The following TMTC2 variants were observed in gnomAD, a reference collection of about 807,000 sequenced individuals.
The protein encoded by TMTC2 is protein O-mannosyl-transferase TMTC2.
In TMTC2, 43 loss-of-function variants were observed where a neutral mutation model predicts 82.4. That is an observed-to-expected ratio of 0.52 (90% CI 0.41 to 0.67). TMTC2 has a LOEUF of 0.67. Among genes scored for constraint, TMTC2 ranks in the 30% least tolerant of loss-of-function variants. The pLI, the probability that TMTC2 is intolerant of heterozygous loss-of-function variation, is 0.00. For synonymous variants in TMTC2, 408 were observed against 381.9 expected (o/e 1.07, Z -0.80); for missense variants, 919 against 1,012.4 (o/e 0.91, Z 1.25).
chr12:82,722,566 CAAAAAA>C (rs772607761), intron 1 of TMTC2, among the ~76,000 whole-genome samples: 7 of 44,394 alleles, frequency 1.6e-4, no homozygotes, highest in Non-Finnish European at 2.2e-4. Flanking sequence ...GACTCCATCT[CAAAAAA>C]AAAAAAAAAA....
chr12:82,974,091 G>C (rs1324137930), intron 7 of TMTC2, among the ~76,000 whole-genome samples: 2 of 152,078 alleles, frequency 1.3e-5, no homozygotes, highest in East Asian at 3.9e-4. Context: ...TTTTAAGGCT[G>C]GGCACAGTGG....
intron 11 of TMTC2, among the ~76,000 whole-genome samples, chr12:83,114,047 G>T (rs1445195773): frequency 1.3e-5 from 2 of 151,996 alleles, no homozygotes; most frequent in Non-Finnish European, 2.9e-5. Context: ...CATTAATCCT[G>T]CTTGTTCATG....
intron 9 of TMTC2, among the ~76,000 whole-genome samples, chr12:83,045,727 G>GGGCTCACACACA (rs1437284307): frequency 5.6e-5 from 8 of 142,446 alleles, no homozygotes; most frequent in African/African-American, 1.3e-4. Flanking sequence ...ACACACACAC[G>GGGCTCACACACA]CACACACACA....
chr12:82,986,148 T>C, intron 8 of TMTC2, 102 bp downstream of exon 8: 6 of 1,503,820 alleles, frequency 4.0e-6, no homozygotes, highest in Non-Finnish European at 5.5e-6. Context: ...TCTAAGCTAT[T>C]AGGGATGCAA....
intron 3 of TMTC2, among the ~76,000 whole-genome samples, chr12:82,911,587 C>T (rs994351896): frequency 6.6e-6 from 1 of 151,776 alleles, no homozygotes; most frequent in Non-Finnish European, 1.5e-5. Context: ...AAGTATAAGC[C>T]GTATTCTTAT....
chr12:82,873,370 TA>T (rs201818590), intron 2 of TMTC2, among the ~76,000 whole-genome samples: 17,097 of 151,876 alleles, frequency 0.11, 1,566 homozygotes, highest in African/African-American at 0.25. Context: ...TTAGTCTGCT[TA>T]GCTGTCTATT....
intron 1 of TMTC2, among the ~76,000 whole-genome samples, chr12:82,716,520 T>C (rs1047499262): frequency 3.3e-5 from 5 of 152,082 alleles, no homozygotes; most frequent in African/African-American, 9.6e-5. Context: ...CGCGCCACCA[T>C]GCCCGGCTAA....
At chr12:82,795,552 C>G (rs1185598371) in intron 1 of TMTC2, among the ~76,000 whole-genome samples, 1 of 151,926 alleles carries the variant, frequency 6.6e-6, no homozygotes, top group Non-Finnish European at 1.5e-5. Context: ...ATGATGTCAA[C>G]TAGTATGATG....
At chr12:82,883,928 T>C (rs1235246649) in intron 2 of TMTC2, among the ~76,000 whole-genome samples, 1 of 152,218 alleles carries the variant, frequency 6.6e-6, no homozygotes, top group Non-Finnish European at 1.5e-5. Flanking sequence ...GATATTTTCT[T>C]CACATATTTT....
chr12:82,719,134 C>T (rs1349231845), intron 1 of TMTC2, among the ~76,000 whole-genome samples: 2 of 115,238 alleles, frequency 1.7e-5, no homozygotes, highest in African/African-American at 6.8e-5. Context: ...CGTTCTGTCA[C>T]CCAGGCTAGA....
At chr12:83,049,588 C>T (rs898025145) in intron 9 of TMTC2, among the ~76,000 whole-genome samples, 19 of 152,100 alleles carry the variant, frequency 1.2e-4, no homozygotes, top group African/African-American at 4.3e-4. Context: ...GTTAATTCCA[C>T]GTCTTTGCTA....
chr12:82,692,142 A>G (rs1872605048), intron 1 of TMTC2, among the ~76,000 whole-genome samples: 1 of 152,192 alleles, frequency 6.6e-6, no homozygotes, highest in Admixed American at 6.5e-5. Flanking sequence ...ACCCACATAC[A>G]TGCATTGAAT....
intron 1 of TMTC2, among the ~76,000 whole-genome samples, chr12:82,699,833 C>T (rs535180733): frequency 1.4e-4 from 22 of 152,196 alleles, no homozygotes; most frequent in African/African-American, 5.3e-4. Flanking sequence ...GCCAGCCCTC[C>T]ACATACCTGG....
At chr12:82,824,215 A>C (rs563588051) in intron 1 of TMTC2, among the ~76,000 whole-genome samples, 1 of 152,082 alleles carries the variant, frequency 6.6e-6, no homozygotes, top group African/African-American at 2.4e-5. Context: ...TTAAATAACA[A>C]ATGTTTTGTA....
chr12:82,866,244 CAAAA>C (rs762068833), intron 2 of TMTC2, among the ~76,000 whole-genome samples: 1 of 52,334 alleles, frequency 1.9e-5, no homozygotes. Context: ...TTGAAAAGAT[CAAAA>C]AAAAAAAAAA....
intron 3 of TMTC2, among the ~76,000 whole-genome samples, chr12:82,925,112 T>C (rs1262315662): frequency 6.6e-6 from 1 of 152,204 alleles, no homozygotes; most frequent in Non-Finnish European, 1.5e-5. Context: ...ATCCTTTAGC[T>C]CGTAGAGATC....
At chr12:82,882,573 A>G (rs1872888025) in intron 2 of TMTC2, among the ~76,000 whole-genome samples, 2 of 152,056 alleles carry the variant, frequency 1.3e-5, no homozygotes, top group Non-Finnish European at 2.9e-5. Flanking sequence ...TAAACCCAGA[A>G]TGTTCAACTC....
chr12:82,778,557 T>G (rs562265570), intron 1 of TMTC2, among the ~76,000 whole-genome samples: 14 of 149,404 alleles, frequency 9.4e-5, no homozygotes, highest in South Asian at 4.2e-4. Flanking sequence ...CTACTAAAAA[T>G]GCAAAAAATC....
rs139282442 is a variant in TMTC2 at position 82,796,710 on chromosome 12, C to T, written c.84-60300C>T. Among the ~76,000 whole-genome samples the T allele has an allele frequency of 4.3e-4, 66 of 152,156 alleles. 1 individual carries two copies. Among genetic ancestry groups the T allele is most frequent in the South Asian group, 1.0e-3 (5 of 4,816 alleles). On this transcript the variant is annotated intron_variant, in intron 1 of 11. Coordinates refer to ENST00000321196, the MANE Select transcript of TMTC2 (RefSeq NM_152588.3). ...ACTGTGGTTGAAACTTCTGCCCGAGCCTGTTTCTTCTCAGGCTGGTTCTAT... is the reference window on the plus strand; with the variant it reads ...ACTGTGGTTGAAACTTCTGCCCGAGTCTGTTTCTTCTCAGGCTGGTTCTAT...
Sources: gnomAD v4.1 joint callset for allele counts (sites outside exome capture counted in the v4.1 genomes callset) on GRCh38, gnomAD v4.1.1 for gene constraint, MANE v1.5 for transcripts, NCBI Gene and HGNC (gene_info 2026-07-23, HGNC 2026-07-21) for gene names.